Variants in DOCK3 observed in about 807,000 individuals in gnomAD.
The protein encoded by DOCK3 is dedicator of cytokinesis protein 3.
A neutral mutation model predicts 265.6 loss-of-function variants in DOCK3; 60 were observed. The observed-to-expected ratio is 0.23, with a 90% CI of 0.18 to 0.28. The LOEUF is 0.28. Ranked by LOEUF, DOCK3 falls within the 10% of genes least tolerant of loss-of-function variation. The probability of loss-of-function intolerance (pLI) is 1.00; values close to 1 mark genes in which losing one functional copy is unlikely to be tolerated. For missense variants in DOCK3, 1,981 were observed against 2,594.3 expected, an observed-to-expected ratio of 0.76 and a Z score of 5.14; for synonymous variants, 881 against 938.0, an observed-to-expected ratio of 0.94 and a Z score of 1.11.
In DOCK3 at chr3:50,993,993, CT is replaced by C. The variant is rs1007375543; in HGVS notation, c.315+59924del. ...CTATTGGTCCTAACTTAGAAAGTTG[CT>C]TTTTTTTAATGGCAGTGAGGAGTCT... On this transcript the variant is annotated intron_variant, in intron 5 of 52. Transcript: ENST00000266037. 4.0e-5 allele frequency among the ~76,000 whole-genome samples: 6 copies of C among 151,814 alleles called. No individual in the cohort carries two copies. The South Asian group carries it at 6.3e-4, about 16-fold the overall frequency.
At chr3:50,743,958 T>G (rs1385398367) in intron 1 of DOCK3, among the ~76,000 whole-genome samples, 1 of 152,246 alleles carries the variant, frequency 6.6e-6, no homozygotes, top group Non-Finnish European at 1.5e-5. Context: ...TTATTTTCTA[T>G]TTTTTAAAAA....
At chr3:50,704,783 G>T (rs138727703) in intron 1 of DOCK3, among the ~76,000 whole-genome samples, 2 of 151,884 alleles carry the variant, frequency 1.3e-5, no homozygotes, top group African/African-American at 4.8e-5. Context: ...GTGCCATGAC[G>T]CTCAGCTAAT....
intron 36 of DOCK3, among the ~76,000 whole-genome samples, chr3:51,338,669 A>G (rs1238514702): frequency 6.6e-6 from 1 of 152,204 alleles, no homozygotes; most frequent in Non-Finnish European, 1.5e-5. Context: ...ACTAACCCTG[A>G]CATACCCAAT....
intron 9 of DOCK3, among the ~76,000 whole-genome samples, chr3:51,121,607 A>G (rs910387864): frequency 1.6e-4 from 25 of 152,304 alleles, no homozygotes; most frequent in Middle Eastern, 3.4e-3. Context: ...TTGAGTTATG[A>G]TAAGTTTTAA....
chr3:51,132,277 A>G (rs895054975), intron 9 of DOCK3, among the ~76,000 whole-genome samples: 5 of 152,098 alleles, frequency 3.3e-5, no homozygotes, highest in African/African-American at 1.2e-4. Context: ...CTTAATATCC[A>G]TTCCCATCCT....
intron 1 of DOCK3, among the ~76,000 whole-genome samples, chr3:50,764,460 T>C (rs756790287): frequency 1.6e-4 from 24 of 152,228 alleles, no homozygotes; most frequent in African/African-American, 4.8e-5. Flanking sequence ...TTATAGGTTA[T>C]TTACAGATAC....
At chr3:50,741,949 T>G (rs1452049882) in intron 1 of DOCK3, among the ~76,000 whole-genome samples, 1 of 152,206 alleles carries the variant, frequency 6.6e-6, no homozygotes, top group East Asian at 1.9e-4. Flanking sequence ...GTTTCCTGAC[T>G]TTTTAATGAT....
At chr3:50,890,652 G>T (rs944532642) in intron 4 of DOCK3, among the ~76,000 whole-genome samples, 5 of 152,002 alleles carry the variant, frequency 3.3e-5, no homozygotes, top group African/African-American at 9.7e-5. Context: ...AAGTATTATA[G>T]TTTCGATTTT....
chr3:51,246,009 A>G (rs191049908), intron 21 of DOCK3, among the ~76,000 whole-genome samples: 3 of 152,306 alleles, frequency 2.0e-5, no homozygotes, highest in Admixed American at 2.0e-4. Context: ...TTGTTGCCAT[A>G]TAAATATGCA....
At chr3:51,214,578 A>G (rs997947137) in intron 14 of DOCK3, among the ~76,000 whole-genome samples, 10 of 152,206 alleles carry the variant, frequency 6.6e-5, no homozygotes, top group African/African-American at 1.9e-4. Flanking sequence ...CTATCCTATC[A>G]CATTTCTTAG....
chr3:50,769,048 T>G (rs531459250), intron 1 of DOCK3, among the ~76,000 whole-genome samples: 1 of 148,322 alleles, frequency 6.7e-6, no homozygotes, highest in South Asian at 2.2e-4. Flanking sequence ...CATTTATGTC[T>G]TCTTTTGAGA....
At chr3:50,968,879 G>A (rs375469463) in intron 5 of DOCK3, among the ~76,000 whole-genome samples, 50 of 152,196 alleles carry the variant, frequency 3.3e-4, no homozygotes, top group African/African-American at 9.2e-4. Context: ...AATTTATTGC[G>A]ACTAATTTTG....
intron 2 of DOCK3, among the ~76,000 whole-genome samples, chr3:50,789,246 A>G (rs912592612): frequency 6.6e-6 from 1 of 152,222 alleles, no homozygotes; most frequent in African/African-American, 2.4e-5. Context: ...CCCAATGATC[A>G]TTCAGCAGCA....
intron 5 of DOCK3, among the ~76,000 whole-genome samples, chr3:51,030,388 C>T (rs2079999212): frequency 6.6e-6 from 1 of 152,132 alleles, no homozygotes; most frequent in Admixed American, 6.5e-5. Context: ...CTGTCCTCTT[C>T]CCCTATAGAG....
chr3:51,103,906 A>C (rs745468015), intron 9 of DOCK3, among the ~76,000 whole-genome samples: 4 of 152,194 alleles, frequency 2.6e-5, no homozygotes, highest in Non-Finnish European at 4.4e-5. Flanking sequence ...CAATATTTCT[A>C]CCCATAATGG....
chr3:51,216,440 C>T (rs1576437385), intron 14 of DOCK3, among the ~76,000 whole-genome samples: 1 of 152,176 alleles, frequency 6.6e-6, no homozygotes, highest in East Asian at 1.9e-4. Flanking sequence ...ATATGATTTT[C>T]CCCACAAGGC....
chr3:51,265,708 A>G (rs1049194061), intron 23 of DOCK3, among the ~76,000 whole-genome samples: 4 of 152,238 alleles, frequency 2.6e-5, no homozygotes, highest in Non-Finnish European at 4.4e-5. Flanking sequence ...TCTCAAAGTA[A>G]TAAGAGCTAT....
chr3:50,737,705 A>G (rs1405718115), intron 1 of DOCK3, among the ~76,000 whole-genome samples: 2 of 151,978 alleles, frequency 1.3e-5, no homozygotes, highest in East Asian at 1.9e-4. Flanking sequence ...TGTGCTCCCT[A>G]TGGAATTCTT....
intron 9 of DOCK3, among the ~76,000 whole-genome samples, chr3:51,145,735 C>G (rs2085270809): frequency 6.6e-6 from 1 of 152,054 alleles, no homozygotes; most frequent in South Asian, 2.1e-4. Context: ...AAGTGATTCT[C>G]AAGAGTTATA....
Sources: allele counts gnomAD v4.1 joint callset (sites outside exome capture counted in the v4.1 genomes callset), GRCh38; gene constraint gnomAD v4.1.1; transcripts MANE v1.5; gene names NCBI Gene and HGNC (gene_info 2026-07-23, HGNC 2026-07-21).